Variants in ARHGAP15 observed in about 807,000 individuals in gnomAD.
The protein encoded by ARHGAP15 is rho GTPase-activating protein 15.
In ARHGAP15, 51 loss-of-function variants were observed where a neutral mutation model predicts 63.7. The ratio of observed to expected loss-of-function variants is 0.80; its 90% CI spans 0.64 to 1.01. ARHGAP15 has a LOEUF of 1.01. ARHGAP15 is among the 50% of genes least tolerant of loss of function. The pLI is 0.00. For missense variants in ARHGAP15, 560 were observed against 564.6 expected (o/e 0.99, Z 0.08); for synonymous variants, 191 against 193.8 (o/e 0.99, Z 0.12).
intron 6 of ARHGAP15, chr2:143,343,926 C>T (rs1685165215): frequency 6.6e-6 from 1 of 152,074 alleles, no homozygotes. Flanking sequence ...CTTTTGCTGT[C>T]TGCCAAAATT....
chr2:143,256,969 T>G (rs192747343), intron 6 of ARHGAP15, among the ~76,000 whole-genome samples: 1 of 152,248 alleles, frequency 6.6e-6, no homozygotes, highest in East Asian at 1.9e-4. Context: ...ACATGCCTAT[T>G]GGTTCAGATA....
intron 6 of ARHGAP15, among the ~76,000 whole-genome samples, chr2:143,279,691 A>G (rs1015667525): frequency 1.3e-5 from 2 of 152,174 alleles, no homozygotes; most frequent in Non-Finnish European, 2.9e-5. Flanking sequence ...TTCCCAACCT[A>G]TGATCCACTT....
chr2:143,622,085 T>C (rs1698665993), intron 11 of ARHGAP15, among the ~76,000 whole-genome samples: 1 of 152,192 alleles, frequency 6.6e-6, no homozygotes, highest in Non-Finnish European at 1.5e-5. Flanking sequence ...CTTATACATT[T>C]TCTAAATGTG....
intron 6 of ARHGAP15, among the ~76,000 whole-genome samples, chr2:143,404,719 G>A (rs1406640672): frequency 6.6e-6 from 1 of 151,884 alleles, no homozygotes; most frequent in Non-Finnish European, 1.5e-5. Flanking sequence ...TCTAGGGATG[G>A]TTCTGAGAAG....
At chr2:143,753,862 G>A (rs1253339624) in intron 13 of ARHGAP15, among the ~76,000 whole-genome samples, 3 of 152,076 alleles carry the variant, frequency 2.0e-5, no homozygotes, top group Admixed American at 1.3e-4. Flanking sequence ...TAATATATGC[G>A]AAGGAAAGAC....
At position 143,140,133 on chromosome 2, in the gene ARHGAP15, G is replaced by A. The variant is rs185966121; in HGVS notation, c.-15+10667G>A. Among the ~76,000 whole-genome samples the A allele has an allele frequency of 3.3e-5, 5 of 151,952 alleles. No homozygotes were observed. The East Asian group carries it at 5.8e-4, about 18-fold the overall frequency. The stretch of plus-strand genomic sequence containing the variant: ...GTAAAAATCATGCTATGATAATTTT[G>A]GTTTATTTCAATTCTAAGTATTATG... On this transcript the variant is annotated intron_variant, in intron 1 of 13. Transcript: ENST00000295095.
intron 6 of ARHGAP15, among the ~76,000 whole-genome samples, chr2:143,363,688 A>G (rs1424255198): frequency 6.6e-6 from 1 of 152,140 alleles, no homozygotes. Context: ...TTCTCTGCAT[A>G]TCACCTATCA....
At chr2:143,142,497 T>A (rs73962343) in intron 1 of ARHGAP15, among the ~76,000 whole-genome samples, 306 of 152,052 alleles carry the variant, frequency 2.0e-3, no homozygotes, top group African/African-American at 6.2e-3. Flanking sequence ...AGCATTTTTT[T>A]AAAAAAAATC....
intron 12 of ARHGAP15, among the ~76,000 whole-genome samples, chr2:143,635,787 G>T (rs371192396): frequency 6.6e-6 from 1 of 152,176 alleles, no homozygotes; most frequent in African/African-American, 2.4e-5. Flanking sequence ...AAGTAGTGGT[G>T]CTGGTTTAAG....
chr2:143,397,907 G>C (rs185135809), intron 6 of ARHGAP15, among the ~76,000 whole-genome samples: 5 of 149,640 alleles, frequency 3.3e-5, no homozygotes, highest in Non-Finnish European at 7.4e-5. Flanking sequence ...AATTCTCAAA[G>C]AAAGCAAGAA....
chr2:143,693,702 A>G (rs1683714930), intron 12 of ARHGAP15, among the ~76,000 whole-genome samples: 1 of 152,186 alleles, frequency 6.6e-6, no homozygotes, highest in South Asian at 2.1e-4. Flanking sequence ...CTACGTATTA[A>G]TGTATGTCAT....
intron 3 of ARHGAP15, among the ~76,000 whole-genome samples, chr2:143,206,495 T>C (rs964370714): frequency 1.3e-5 from 2 of 152,108 alleles, no homozygotes; most frequent in Non-Finnish European, 2.9e-5. Flanking sequence ...ACTTAGCATT[T>C]TCTCTAGGAA....
intron 13 of ARHGAP15, among the ~76,000 whole-genome samples, chr2:143,728,467 G>A (rs551799353): frequency 1.3e-4 from 20 of 152,248 alleles, no homozygotes; most frequent in East Asian, 9.7e-4. Context: ...CACACACAAA[G>A]GGTATATTCA....
At chr2:143,259,383 G>C (rs1680599305) in intron 6 of ARHGAP15, among the ~76,000 whole-genome samples, 1 of 152,048 alleles carries the variant, frequency 6.6e-6, no homozygotes, top group South Asian at 2.1e-4. Flanking sequence ...AATATTTGGA[G>C]GGGGCAAATA....
chr2:143,198,208 A>C (rs1227591449), intron 2 of ARHGAP15, among the ~76,000 whole-genome samples: 3 of 152,118 alleles, frequency 2.0e-5, no homozygotes, highest in Admixed American at 6.6e-5. Flanking sequence ...AACATAGAGA[A>C]CCATGCCTGG....
In ARHGAP15 at chr2:143,153,921, C is replaced by T. The variant is rs1205216395; in HGVS notation, c.-14-1556C>T. 8.3e-5 allele frequency among the ~76,000 whole-genome samples: 11 copies of T among 131,774 alleles called. No individual in the cohort carries two copies. In the East Asian group the frequency reaches 1.2e-3, roughly 15 times the overall value. 86.4% of individuals were successfully genotyped at this position (131,774 alleles called of 152,430 possible). A position where few individuals can be genotyped will look rare whatever the true frequency, so the allele number is the denominator to read the frequency against. ...CCTCCTATTCCTCTTCTTTTTTTTT[C>T]GGTTTCTTTCACTCAGCGGAATAGA... On this transcript the variant is annotated intron_variant, in intron 1 of 13. Transcript: ENST00000295095.
intron 11 of ARHGAP15, among the ~76,000 whole-genome samples, chr2:143,584,169 T>C (rs1314511267): frequency 1.3e-5 from 2 of 152,140 alleles, no homozygotes; most frequent in Non-Finnish European, 2.9e-5. Context: ...ACAGGGTAGA[T>C]GAAAAACTGG....
intron 6 of ARHGAP15, among the ~76,000 whole-genome samples, chr2:143,326,474 C>T (rs977380384): frequency 7.9e-5 from 12 of 152,154 alleles, no homozygotes; most frequent in East Asian, 1.9e-4. Context: ...GAATGATAAA[C>T]GGCTTTATCA....
chr2:143,566,086 A>C (rs1696210762), intron 11 of ARHGAP15, among the ~76,000 whole-genome samples: 1 of 137,770 alleles, frequency 7.3e-6, no homozygotes, highest in Non-Finnish European at 1.6e-5. Context: ...AGTTGCAGAG[A>C]TGGGAAGAAA....
Sources: gnomAD v4.1 joint callset for allele counts (sites outside exome capture counted in the v4.1 genomes callset) on GRCh38, gnomAD v4.1.1 for gene constraint, MANE v1.5 for transcripts, NCBI Gene and HGNC (gene_info 2026-07-23, HGNC 2026-07-21) for gene names.